The following GON4L variants were observed in gnomAD, a reference collection of about 807,000 sequenced individuals.
GON4L encodes the protein GON-4-like protein.
Under a neutral mutation model 211.8 loss-of-function variants are expected in GON4L, and 87 were observed. The observed-to-expected ratio is 0.41, with a 90% CI of 0.35 to 0.49. GON4L has a LOEUF of 0.49. Among genes scored for constraint, GON4L ranks in the 20% least tolerant of loss-of-function variants. The pLI, the probability that GON4L is intolerant of heterozygous loss-of-function variation, is 0.15. For synonymous variants in GON4L, 875 were observed against 962.6 expected, an observed-to-expected ratio of 0.91 and a Z score of 1.68; for missense variants, 2,155 against 2,659.5, an observed-to-expected ratio of 0.81 and a Z score of 4.17.
rs758027053 is a variant in GON4L at position 155,853,648 on chromosome 1, C to T, written c.133G>A (p.Val45Met). The T allele has an allele frequency of 2.5e-6, 4 of 1,614,134 alleles. No homozygotes were observed. The East Asian group carries it at 6.7e-5, about 27-fold the overall frequency. Residue 45 changes from valine (V) to methionine (M), a missense_variant, in exon 2 of 32, where the codon GTG becomes ATG. Transcript: ENST00000368331. Reference protein sequence around the residue: ...ESDQVKDLSSVSLSWDPSHGR... With the variant: ...ESDQVKDLSSMSLSWDPSHGR... ...TGACTTGGATCCCAGGATAGTGACA[C>T]CGAACTCAAGTCCTTAACCTGGTCA...
At chr1:155,754,152 G>C (rs773877772) in intron 28 of GON4L, 172 of 585,920 alleles carry the variant, frequency 2.9e-4, no homozygotes, top group Non-Finnish European at 4.9e-4. Context: ...CTGGTATTTT[G>C]TTTTTCCAAT....
intron 12 of GON4L, among the ~76,000 whole-genome samples, chr1:155,787,826 C>A (rs1490211769): frequency 1.3e-5 from 2 of 151,834 alleles, no homozygotes; most frequent in Admixed American, 1.3e-4. Context: ...TGCCTGTAAT[C>A]CCAGCTACTT....
intron 18 of GON4L, among the ~76,000 whole-genome samples, chr1:155,771,961 G>A (rs890814756): frequency 1.8e-4 from 27 of 151,990 alleles, no homozygotes; most frequent in Non-Finnish European, 3.4e-4. Context: ...TCAGGAGTTC[G>A]AGACCAGCCT....
At chr1:155,838,284 T>A (rs1467347677) in intron 2 of GON4L, among the ~76,000 whole-genome samples, 1 of 152,084 alleles carries the variant, frequency 6.6e-6, no homozygotes, top group Non-Finnish European at 1.5e-5. Flanking sequence ...ATTAAATAAT[T>A]GATGGAAATA....
chr1:155,758,167 A>C (rs1365331100), intron 24 of GON4L, 133 bp from the exon 25 acceptor site: 1 of 175,108 alleles, frequency 5.7e-6, no homozygotes, highest in Non-Finnish European at 1.2e-5. Flanking sequence ...CTAGTTTACA[A>C]CTATTGAGAT....
intron 2 of GON4L, among the ~76,000 whole-genome samples, chr1:155,830,930 C>T (rs1669702013): frequency 1.3e-5 from 2 of 152,094 alleles, no homozygotes; most frequent in South Asian, 4.1e-4. Flanking sequence ...AGAGGCTCTG[C>T]CTACCAAAGT....
intron 2 of GON4L, 37 bp downstream of exon 2, chr1:155,853,239 T>A (rs1468407116): frequency 6.4e-7 from 1 of 1,553,064 alleles, no homozygotes; most frequent in Non-Finnish European, 8.9e-7. Flanking sequence ...AAAGTGGTAT[T>A]GACAAGAATG....
At chr1:155,775,477 C>T (rs1168959886) in intron 16 of GON4L, among the ~76,000 whole-genome samples, 5 of 148,170 alleles carry the variant, frequency 3.4e-5, no homozygotes, top group African/African-American at 7.5e-5. Flanking sequence ...TTTTTCGAGA[C>T]GGAGTTTCGC....
intron 18 of GON4L, among the ~76,000 whole-genome samples, chr1:155,772,341 C>T (rs918492036): frequency 5.9e-5 from 9 of 151,910 alleles, no homozygotes; most frequent in Admixed American, 5.3e-4. Flanking sequence ...TGAATAGGTA[C>T]CCTGTCAGAC....
intron 12 of GON4L, among the ~76,000 whole-genome samples, chr1:155,792,300 A>G (rs1216948654): frequency 6.6e-6 from 1 of 152,210 alleles, no homozygotes; most frequent in Non-Finnish European, 1.5e-5. Flanking sequence ...ATTATAATCA[A>G]ATATGACAAT....
At chr1:155,785,257 TCA>T (rs1478718746) in intron 13 of GON4L, 75 bp downstream of exon 13, 1 of 924,574 alleles carries the variant, frequency 1.1e-6, no homozygotes, top group Admixed American at 1.7e-5. Context: ...AGAGGGAGCA[TCA>T]CAGAGACCAA....
chr1:155,766,363 A>G lies in GON4L; in HGVS notation c.3110T>C (p.Leu1037Pro), dbSNP rs1662478126. 1.2e-6 allele frequency: 2 copies of G among 1,613,976 alleles called. No homozygotes were observed. The highest frequency in any genetic ancestry group is 2.7e-5 in the African/African-American group (2 of 74,872). The change falls in exon 21 of 32, where the codon CTC becomes CCC. Residue 1037 changes from leucine (L) to proline (P), a missense_variant. Leu to Pro is a moderately conservative substitution (Grantham distance 98, BLOSUM62 -3). Transcript: ENST00000368331. The part of the protein sequence containing the change: ...HSEAPPSKMV[L>P]RIPHPIQPAT... ...TGGCTGTATTGGGTGAGGAATCCGG[A>G]GCACCATTTTGCTCGGAGGGGCTTC...
In GON4L at chr1:155,805,043, G is replaced by A. The variant is rs577681763; in HGVS notation, c.1551C>T (p.Asp517=). The change falls in exon 11 of 32, where the codon GAC becomes GAT. Residue 517 remains aspartate, a synonymous_variant. Coordinates refer to ENST00000368331, the MANE Select transcript of GON4L (RefSeq NM_001282860.2). ...GQLEAELQAP[D]ITPDMYDPNT... is the part of the protein sequence containing the mutation. ...TGGGGTCATACATATCTGGAGTGAT[G>A]TCTGGAGCTTGGAGCTCTGCCTCTA... The A allele has an allele frequency of 6.2e-6, 10 of 1,613,088 alleles. No individual in the cohort carries two copies. The highest frequency in any genetic ancestry group is 1.7e-5 in the Admixed American group (1 of 59,984).
intron 11 of GON4L, among the ~76,000 whole-genome samples, chr1:155,800,677 C>G (rs1666560559): frequency 6.6e-6 from 1 of 151,796 alleles, no homozygotes; most frequent in African/African-American, 2.4e-5. Flanking sequence ...TATGGTGAAA[C>G]CCCATCTCTA....
In GON4L at chr1:155,777,835, G is replaced by A. The variant is rs1663987582; in HGVS notation, c.1893-15C>T. The A allele has an allele frequency of 2.0e-6, 3 of 1,537,924 alleles. No homozygotes were observed. Among genetic ancestry groups the A allele is most frequent in the Admixed American group, 1.7e-5 (1 of 59,910 alleles). On this transcript the variant is annotated splice_polypyrimidine_tract_variant and intron_variant, in intron 14 of 31. Coordinates refer to ENST00000368331, the MANE Select transcript of GON4L (RefSeq NM_001282860.2). Reference sequence around the variant, plus strand: ...GTTCCTCAAACCTATTCCCAACAGGGAGATGACTGAATTTGAGTGTTTCCG... The same window carrying A: ...GTTCCTCAAACCTATTCCCAACAGGAAGATGACTGAATTTGAGTGTTTCCG...
chr1:155,786,099 AAACAACAAC>A (rs10656171), intron 12 of GON4L, among the ~76,000 whole-genome samples: 6 of 148,998 alleles, frequency 4.0e-5, no homozygotes, highest in African/African-American at 1.5e-4. Flanking sequence ...CTGTCTCAAA[AAACAACAAC>A]AACAACAACA....
In GON4L at chr1:155,776,071, C is replaced by T. The variant is rs1327119841; in HGVS notation, c.2178+324G>A. Among the ~76,000 whole-genome samples, 4 of 152,228 alleles carry T rather than the reference C, an allele frequency of 2.6e-5. No individual in the cohort carries two copies. The East Asian group carries it at 7.7e-4, about 29-fold the overall frequency. On this transcript the variant is annotated intron_variant, in intron 16 of 31. Coordinates refer to ENST00000368331, the MANE Select transcript of GON4L (RefSeq NM_001282860.2). ...GTGCTGGGATTACAGGCATAGCCAC[C>T]GTGCCCAGTCTCAACATCTATAAAA... is the stretch of plus-strand genomic sequence containing the variant.
chr1:155,764,370 G>A, intron 21 of GON4L: 1 of 165,160 alleles, frequency 6.1e-6, no homozygotes, highest in Non-Finnish European at 1.3e-5. Flanking sequence ...TGCCCGCCTT[G>A]GCCTCCCAAA....
chr1:155,827,378 T>G (rs1669309536), intron 2 of GON4L, among the ~76,000 whole-genome samples: 1 of 152,234 alleles, frequency 6.6e-6, no homozygotes, highest in Non-Finnish European at 1.5e-5. Context: ...TAAAATGCCC[T>G]GACTTTGTAA....
Sources: gnomAD v4.1 joint callset for allele counts (sites outside exome capture counted in the v4.1 genomes callset) on GRCh38, gnomAD v4.1.1 for gene constraint, MANE v1.5 for transcripts, NCBI Gene and HGNC (gene_info 2026-07-23, HGNC 2026-07-21) for gene names.